The following FBXL7 variants were observed in gnomAD, a reference collection of about 807,000 sequenced individuals.
FBXL7 encodes the protein F-box and leucine rich repeat protein 7, also known as F-box/LRR-repeat protein 7.
Under a neutral mutation model 38.3 loss-of-function variants are expected in FBXL7, and 12 were observed. That is an observed-to-expected ratio of 0.31 (90% CI 0.20 to 0.51). The LOEUF (loss-of-function observed/expected upper bound fraction) is 0.51, where lower values mean the gene tolerates loss of function less well. Ranked by LOEUF, FBXL7 falls within the 20% of genes least tolerant of loss-of-function variation. The probability of loss-of-function intolerance (pLI) is 0.98; values close to 1 mark genes in which losing one functional copy is unlikely to be tolerated. For missense variants in FBXL7, 567 were observed against 676.4 expected, an observed-to-expected ratio of 0.84 and a Z score of 1.79; for synonymous variants, 297 against 300.9, an observed-to-expected ratio of 0.99 and a Z score of 0.13.
At chr5:15,855,201 C>G (rs1353378362) in intron 2 of FBXL7, among the ~76,000 whole-genome samples, 2 of 152,012 alleles carry the variant, frequency 1.3e-5, no homozygotes, top group African/African-American at 4.8e-5. Context: ...TAGGTATAAA[C>G]AAAATTTTGT....
rs1350490601 is a variant in FBXL7, at chr5:15,807,047, G to C, written c.128-120843G>C. 3.3e-5 allele frequency among the ~76,000 whole-genome samples: 5 copies of C among 152,168 alleles called. No homozygotes were observed. The East Asian group carries it at 9.7e-4, about 29-fold the overall frequency. ...GCTTACTGCAACCTCTGCCTCCCAG[G>C]TTCAAGCAATTCTCTTGCCTCAGCC... On this transcript the variant is annotated intron_variant, in intron 2 of 3. Transcript: ENST00000504595.
At chr5:15,912,789 A>T (rs1165589401) in intron 2 of FBXL7, among the ~76,000 whole-genome samples, 1 of 152,082 alleles carries the variant, frequency 6.6e-6, no homozygotes, top group Non-Finnish European at 1.5e-5. Flanking sequence ...TCTTTGTGCT[A>T]TTTAATATTG....
At chr5:15,753,186 T>C (rs1312416650) in intron 2 of FBXL7, among the ~76,000 whole-genome samples, 1 of 152,092 alleles carries the variant, frequency 6.6e-6, no homozygotes, top group African/African-American at 2.4e-5. Context: ...CTCTCTTTTT[T>C]TCCCCGTATA....
At chr5:15,875,201 G>A (rs917533369) in intron 2 of FBXL7, among the ~76,000 whole-genome samples, 45 of 152,286 alleles carry the variant, frequency 3.0e-4, no homozygotes, top group Middle Eastern at 3.4e-3. Flanking sequence ...AGGAAAATTG[G>A]CTAGCCATAG....
intron 1 of FBXL7, among the ~76,000 whole-genome samples, chr5:15,584,183 C>T (rs1420109889): frequency 6.6e-6 from 1 of 152,182 alleles, no homozygotes; most frequent in Non-Finnish European, 1.5e-5. Flanking sequence ...ATGTTTTCCT[C>T]CTAGTCCTCC....
At chr5:15,801,234 T>C (rs1174771211) in intron 2 of FBXL7, among the ~76,000 whole-genome samples, 1 of 152,200 alleles carries the variant, frequency 6.6e-6, no homozygotes. Flanking sequence ...CTGGATACTA[T>C]AGGCTGGCCA....
chr5:15,771,756 C>T (rs1736732312), intron 2 of FBXL7, among the ~76,000 whole-genome samples: 1 of 148,064 alleles, frequency 6.8e-6, no homozygotes, highest in Non-Finnish European at 1.5e-5. Flanking sequence ...AATAGAAGGT[C>T]AAAGGATTAA....
intron 1 of FBXL7, among the ~76,000 whole-genome samples, chr5:15,566,787 T>C (rs1295441745): frequency 6.6e-6 from 1 of 152,198 alleles, no homozygotes; most frequent in East Asian, 1.9e-4. Context: ...TGCAGGGTCC[T>C]ACATTGTATT....
At chr5:15,874,895 C>T (rs763846312) in intron 2 of FBXL7, among the ~76,000 whole-genome samples, 1 of 152,090 alleles carries the variant, frequency 6.6e-6, no homozygotes, top group East Asian at 1.9e-4. Context: ...ACTTTCTTCA[C>T]AGAATTAGAA....
At chr5:15,811,855 G>A (rs1737870141) in intron 2 of FBXL7, among the ~76,000 whole-genome samples, 1 of 152,156 alleles carries the variant, frequency 6.6e-6, no homozygotes, top group South Asian at 2.1e-4. Flanking sequence ...TGGTGAGGCT[G>A]TGGAGAAATA....
At chr5:15,590,151 A>T (rs1739427790) in intron 1 of FBXL7, among the ~76,000 whole-genome samples, 1 of 152,164 alleles carries the variant, frequency 6.6e-6, no homozygotes, top group Non-Finnish European at 1.5e-5. Context: ...TAATGGACAG[A>T]CTGGGCCACG....
At chr5:15,647,818 T>C (rs1741578429) in intron 2 of FBXL7, among the ~76,000 whole-genome samples, 2 of 152,196 alleles carry the variant, frequency 1.3e-5, no homozygotes, top group Non-Finnish European at 2.9e-5. Context: ...AGTTTCTCAT[T>C]TTACAGATAA....
intron 2 of FBXL7, among the ~76,000 whole-genome samples, chr5:15,826,453 C>T (rs1274992454): frequency 1.3e-5 from 2 of 152,182 alleles, no homozygotes; most frequent in Non-Finnish European, 2.9e-5. Flanking sequence ...AAGTCTCACT[C>T]TGTCACCCAG....
chr5:15,896,743 T>C (rs1418427709), intron 2 of FBXL7, among the ~76,000 whole-genome samples: 2 of 151,340 alleles, frequency 1.3e-5, no homozygotes, highest in African/African-American at 2.4e-5. Flanking sequence ...CCTTAATAAC[T>C]CAATCTGAAC....
chr5:15,639,904 C>T (rs1382464812), intron 2 of FBXL7, among the ~76,000 whole-genome samples: 1 of 152,082 alleles, frequency 6.6e-6, no homozygotes, highest in Non-Finnish European at 1.5e-5. Flanking sequence ...GCTTCCTTGG[C>T]CAGCTCTGTG....
At chr5:15,915,050 C>G (rs1055251536) in intron 2 of FBXL7, among the ~76,000 whole-genome samples, 1 of 152,204 alleles carries the variant, frequency 6.6e-6, no homozygotes. Context: ...ACTGAAAATT[C>G]ATCAGTTAAT....
At chr5:15,505,107 A>C (rs1736609762) in intron 1 of FBXL7, among the ~76,000 whole-genome samples, 3 of 152,188 alleles carry the variant, frequency 2.0e-5, no homozygotes, top group Admixed American at 6.5e-5. Flanking sequence ...TGAGAGCATA[A>C]ATCTTCACAA....
At chr5:15,521,953 C>T (rs578171524) in intron 1 of FBXL7, among the ~76,000 whole-genome samples, 1 of 152,174 alleles carries the variant, frequency 6.6e-6, no homozygotes, top group Non-Finnish European at 1.5e-5. Context: ...TTAGAAAATA[C>T]CATTTTCATT....
intron 2 of FBXL7, among the ~76,000 whole-genome samples, chr5:15,801,666 CGT>C (rs148260016): frequency 0.036 from 5,123 of 140,962 alleles, 84 homozygotes; most frequent in Non-Finnish European, 0.044. Flanking sequence ...TGCGCGCGCG[CGT>C]GTGTGTGTGT....
Sources: gnomAD v4.1 joint callset for allele counts (sites outside exome capture counted in the v4.1 genomes callset) on GRCh38, gnomAD v4.1.1 for gene constraint, MANE v1.5 for transcripts, NCBI Gene and HGNC (gene_info 2026-07-23, HGNC 2026-07-21) for gene names.